PATJ: variants seen among roughly 807,000 people sequenced by gnomAD.
The protein encoded by PATJ is PATJ crumbs cell polarity complex component.
A neutral mutation model predicts 224.9 loss-of-function variants in PATJ; 190 were observed. That is an observed-to-expected ratio of 0.84 (90% CI 0.75 to 0.95). The LOEUF (loss-of-function observed/expected upper bound fraction) is 0.95, where lower values mean the gene tolerates loss of function less well. Among genes scored for constraint, PATJ ranks in the 40% least tolerant of loss-of-function variants. PATJ has a pLI of 0.00. For synonymous variants in PATJ, 769 were observed against 820.3 expected (o/e 0.94, Z 1.07); for missense variants, 2,121 against 2,270.3 (o/e 0.93, Z 1.34).
intron 28 of PATJ, among the ~76,000 whole-genome samples, chr1:62,005,438 G>C (rs12065798): frequency 0.031 from 4,356 of 140,558 alleles, 208 homozygotes; most frequent in African/African-American, 0.11. Flanking sequence ...TTTTTCGTCT[G>C]TGTGTTACAT....
intron 29 of PATJ, among the ~76,000 whole-genome samples, chr1:62,036,944 G>C (rs146067785): frequency 2.0e-5 from 3 of 151,254 alleles, no homozygotes; most frequent in African/African-American, 7.3e-5. Context: ...AAAAGAGAAA[G>C]AAAGGCATTT....
At chr1:61,746,081 A>C (rs1344512866) in intron 1 of PATJ, among the ~76,000 whole-genome samples, 2 of 149,948 alleles carry the variant, frequency 1.3e-5, no homozygotes, top group East Asian at 4.0e-4. Flanking sequence ...GGTGTGCGCC[A>C]CCACCACTGG....
At chr1:62,012,024 CAAAA>C (rs552027685) in intron 28 of PATJ, among the ~76,000 whole-genome samples, 1 of 121,156 alleles carries the variant, frequency 8.3e-6, no homozygotes, top group African/African-American at 3.1e-5. Context: ...GAACCTGTCT[CAAAA>C]AAAAAAAAAG....
chr1:62,148,772 C>A (rs1242351312), intron 42 of PATJ, among the ~76,000 whole-genome samples: 1 of 152,088 alleles, frequency 6.6e-6, no homozygotes, highest in Non-Finnish European at 1.5e-5. Flanking sequence ...TTCATTAAAA[C>A]CAGTCATCGC....
At chr1:62,085,765 G>A (rs1349795726) in intron 33 of PATJ, among the ~76,000 whole-genome samples, 1 of 149,308 alleles carries the variant, frequency 6.7e-6, no homozygotes, top group Non-Finnish European at 1.5e-5. Flanking sequence ...GCTGCAGTGA[G>A]CTATGATCAT....
At chr1:61,797,472 T>G in intron 11 of PATJ, 44 bp downstream of exon 11, 1 of 1,541,214 alleles carries the variant, frequency 6.5e-7, no homozygotes, top group Non-Finnish European at 8.9e-7. Flanking sequence ...AGTTTACATT[T>G]GGAAGAGCAG....
intron 17 of PATJ, among the ~76,000 whole-genome samples, chr1:61,852,120 A>T (rs917218586): frequency 2.2e-4 from 12 of 55,654 alleles, no homozygotes; most frequent in East Asian, 3.5e-4. Flanking sequence ...ATTCTGTCTT[A>T]AAAAAAAAAA....
At chr1:62,005,674 C>T (rs1436319037) in intron 28 of PATJ, among the ~76,000 whole-genome samples, 3 of 152,126 alleles carry the variant, frequency 2.0e-5, no homozygotes, top group East Asian at 3.9e-4. Flanking sequence ...GGGAGTATTC[C>T]TTGAACCTGG....
At chr1:62,024,272 T>G (rs926914165) in intron 29 of PATJ, among the ~76,000 whole-genome samples, 1 of 152,158 alleles carries the variant, frequency 6.6e-6, no homozygotes, top group African/African-American at 2.4e-5. Flanking sequence ...TCAGTAAGAT[T>G]GGTATCAGTT....
chr1:61,851,489 G>A (rs1167263625), intron 17 of PATJ, among the ~76,000 whole-genome samples: 1 of 152,094 alleles, frequency 6.6e-6, no homozygotes, highest in East Asian at 1.9e-4. Flanking sequence ...GGGATAAAGT[G>A]TTGGGCAAAC....
At chr1:62,098,761 T>A (rs981709279) in intron 33 of PATJ, among the ~76,000 whole-genome samples, 8 of 152,222 alleles carry the variant, frequency 5.3e-5, no homozygotes, top group South Asian at 2.1e-4. Context: ...CACATTTTTT[T>A]AAAATCACAT....
intron 28 of PATJ, among the ~76,000 whole-genome samples, chr1:61,998,939 G>A (rs527372380): frequency 1.1e-3 from 173 of 152,218 alleles, no homozygotes; most frequent in African/African-American, 3.8e-3. Context: ...AAGGACAATC[G>A]TTTATTTTTT....
intron 14 of PATJ, among the ~76,000 whole-genome samples, chr1:61,816,687 A>AT (rs1191327679): frequency 7.9e-5 from 12 of 152,072 alleles, no homozygotes; most frequent in Admixed American, 2.0e-4. Context: ...GCAAAAGGTG[A>AT]TTTTTTTCTC....
intron 35 of PATJ, 102 bp from the exon 36 acceptor site, chr1:62,116,430 A>T: frequency 2.2e-6 from 3 of 1,334,074 alleles, no homozygotes; most frequent in Non-Finnish European, 3.0e-6. Flanking sequence ...AAACTGGAAG[A>T]AGAAAGGAGC....
intron 27 of PATJ, among the ~76,000 whole-genome samples, chr1:61,964,429 G>A (rs1165803700): frequency 6.6e-6 from 1 of 152,116 alleles, no homozygotes; most frequent in Admixed American, 6.5e-5. Flanking sequence ...TCTTAAAATA[G>A]CCAGTTAACT....
intron 6 of PATJ, among the ~76,000 whole-genome samples, chr1:61,774,731 G>T (rs2148394565): frequency 6.6e-6 from 1 of 152,214 alleles, no homozygotes; most frequent in East Asian, 1.9e-4. Flanking sequence ...TTCCTTTGTA[G>T]TGCAACTTAA....
intron 17 of PATJ, among the ~76,000 whole-genome samples, chr1:61,852,109 G>GA (rs1662909153): frequency 7.3e-6 from 1 of 137,706 alleles, no homozygotes; most frequent in Non-Finnish European, 1.5e-5. Context: ...GACAGAGAGG[G>GA]ATTCTGTCTT....
At chr1:62,154,809 G>A (rs1368158630) in intron 43 of PATJ, among the ~76,000 whole-genome samples, 1 of 152,174 alleles carries the variant, frequency 6.6e-6, no homozygotes, top group African/African-American at 2.4e-5. Context: ...ATTGGGCCCA[G>A]TGACCTGCCA....
chr1:61,816,170 A>G (rs971981446), intron 14 of PATJ, among the ~76,000 whole-genome samples: 4 of 152,222 alleles, frequency 2.6e-5, no homozygotes, highest in African/African-American at 9.6e-5. Flanking sequence ...ATGAACAAAT[A>G]TAATTTTTAA....
Sources: allele counts gnomAD v4.1 joint callset (sites outside exome capture counted in the v4.1 genomes callset), GRCh38; gene constraint gnomAD v4.1.1; transcripts MANE v1.5; gene names NCBI Gene and HGNC (gene_info 2026-07-23, HGNC 2026-07-21).